The following TMTC1 variants were observed in gnomAD, a reference collection of about 807,000 sequenced individuals.
The protein encoded by TMTC1 is transmembrane O-mannosyltransferase targeting cadherins 1.
TMTC1 carries 73 observed loss-of-function variants against 104.8 expected under a neutral mutation model. The ratio of observed to expected loss-of-function variants is 0.70; its 90% CI spans 0.58 to 0.85. TMTC1 has a LOEUF of 0.85. TMTC1 is among the 40% of genes least tolerant of loss of function. TMTC1 has a pLI of 0.00. For synonymous variants in TMTC1, 434 were observed against 428.7 expected (o/e 1.01, Z -0.15); for missense variants, 1,035 against 1,096.1 (o/e 0.94, Z 0.79).
chr12:29,610,657 T>C (rs1325818209), intron 6 of TMTC1, among the ~76,000 whole-genome samples: 3 of 152,206 alleles, frequency 2.0e-5, no homozygotes, highest in Non-Finnish European at 1.5e-5. Flanking sequence ...AAAGGGACCC[T>C]GATTCCGGCC....
chr12:29,712,963 G>A (rs1941971152), intron 5 of TMTC1, among the ~76,000 whole-genome samples: 2 of 152,082 alleles, frequency 1.3e-5, no homozygotes, highest in African/African-American at 2.4e-5. Flanking sequence ...CAGGCTAGAC[G>A]TTGCTATGAA....
At chr12:29,584,832 T>G (rs1455825494) in intron 7 of TMTC1, among the ~76,000 whole-genome samples, 1 of 150,908 alleles carries the variant, frequency 6.6e-6, no homozygotes, top group Non-Finnish European at 1.5e-5. Context: ...CTTAATCCAG[T>G]CTATCATTGT....
chr12:29,548,531 A>C (rs1945001315), intron 10 of TMTC1, among the ~76,000 whole-genome samples: 1 of 151,896 alleles, frequency 6.6e-6, no homozygotes, highest in Non-Finnish European at 1.5e-5. Context: ...TGGTTTTATA[A>C]AGTACAGTTC....
At chr12:29,674,654 G>A (rs547188095) in intron 5 of TMTC1, among the ~76,000 whole-genome samples, 38 of 152,326 alleles carry the variant, frequency 2.5e-4, no homozygotes, top group East Asian at 1.9e-4. Context: ...TCAGGAGGAG[G>A]GAGGGAGGTG....
chr12:29,771,176 C>T (rs1381299864), intron 1 of TMTC1, among the ~76,000 whole-genome samples: 9 of 152,020 alleles, frequency 5.9e-5, no homozygotes, highest in Admixed American at 2.6e-4. Context: ...ATACAAAATG[C>T]CTTTATCTGG....
intron 7 of TMTC1, among the ~76,000 whole-genome samples, chr12:29,599,641 G>A (rs1592297106): frequency 1.3e-5 from 2 of 152,110 alleles, no homozygotes; most frequent in African/African-American, 2.4e-5. Context: ...GGATTCACCC[G>A]GGCTTCAGTG....
intron 5 of TMTC1, among the ~76,000 whole-genome samples, chr12:29,674,008 C>T (rs1021496991): frequency 6.6e-6 from 1 of 151,876 alleles, no homozygotes; most frequent in Admixed American, 6.6e-5. Context: ...ATCTGCCAGC[C>T]TCGGCCTCCC....
chr12:29,624,682 C>T (rs186340623), intron 6 of TMTC1, among the ~76,000 whole-genome samples: 264 of 152,296 alleles, frequency 1.7e-3, no homozygotes, highest in African/African-American at 5.9e-3. Flanking sequence ...CTAATGTCAC[C>T]TTATCTGTGA....
chr12:29,664,194 T>A (rs184112152), intron 5 of TMTC1, among the ~76,000 whole-genome samples: 5,954 of 130,576 alleles, frequency 0.046, 178 homozygotes, highest in South Asian at 0.075. Flanking sequence ...CTCAAAAAAA[T>A]AAAAATAAAA....
At position 29,530,541 on chromosome 12, in the gene TMTC1, A is replaced by T. The variant is rs567400695; in HGVS notation, c.1785+5668T>A. Among the ~76,000 whole-genome samples the T allele has an allele frequency of 7.2e-5, 11 of 152,318 alleles. No individual in the cohort carries two copies. In the East Asian group the frequency reaches 2.1e-3, roughly 29 times the overall value. ...AAAGTGCACATGGGATGTATGTAAC[A>T]TGCATGTTTGCTTACTACGCATGTG... On this transcript the variant is annotated intron_variant, in intron 11 of 17. Coordinates refer to ENST00000539277, the MANE Select transcript of TMTC1 (RefSeq NM_001193451.2).
At chr12:29,778,668 G>C (rs560524383) in intron 1 of TMTC1, among the ~76,000 whole-genome samples, 2 of 152,360 alleles carry the variant, frequency 1.3e-5, no homozygotes, top group South Asian at 4.1e-4. Context: ...CTGAATCTGA[G>C]ATTTGACTGG....
intron 5 of TMTC1, among the ~76,000 whole-genome samples, chr12:29,715,741 C>T (rs1187677777): frequency 1.3e-5 from 2 of 152,038 alleles, no homozygotes; most frequent in Non-Finnish European, 2.9e-5. Flanking sequence ...CCTCAGGAAA[C>T]TTACAATCGT....
At chr12:29,710,870 T>C (rs1340219608) in intron 5 of TMTC1, among the ~76,000 whole-genome samples, 1 of 135,858 alleles carries the variant, frequency 7.4e-6, no homozygotes, top group Non-Finnish European at 1.5e-5. Flanking sequence ...TTAATTATAT[T>C]ATTATAAATT....
intron 1 of TMTC1, among the ~76,000 whole-genome samples, 200 bp from the exon 2 acceptor site, chr12:29,768,275 A>G (rs1943519522): frequency 6.6e-6 from 1 of 152,178 alleles, no homozygotes; most frequent in South Asian, 2.1e-4. Context: ...ATGTGCAGAA[A>G]TCCATGCATA....
At chr12:29,561,661 T>C (rs112761008) in intron 9 of TMTC1, among the ~76,000 whole-genome samples, 1 of 147,432 alleles carries the variant, frequency 6.8e-6, no homozygotes, top group African/African-American at 2.7e-5. Flanking sequence ...TTATGTCAGT[T>C]ATTTACTTTA....
In TMTC1 at chr12:29,783,564, A is replaced by G; in HGVS notation, c.188T>C (p.Val63Ala). The stretch of plus-strand genomic sequence containing the variant: ...CCAGCGGAGCGGGGCGCCGGGCCGC[A>G]CGTCGGGGTTGTTCACGATCGCCCA... ...DVWAIVNNPDVRPGAPLRWGI... is the reference protein window; with the variant it reads ...DVWAIVNNPDARPGAPLRWGI... The change falls in exon 1 of 18, where the codon GTG becomes GCG. Residue 63 changes from valine to alanine, a missense_variant. Physicochemically the swap from Val to Ala is moderately conservative, Grantham distance 64. Coordinates refer to ENST00000539277, the MANE Select transcript of TMTC1 (RefSeq NM_001193451.2). This position sits in a 1 kb window ranked among gnomAD's most constrained non-coding sequence, Gnocchi z 4.7. The G allele has an allele frequency of 6.8e-7, 1 of 1,479,434 alleles. No individual in the cohort carries two copies. The highest frequency in any genetic ancestry group is 1.4e-5 in the African/African-American group (1 of 69,672). The allele number at this position is 1,479,434 out of a possible 1,614,324, so 91.6% of individuals were successfully genotyped here. A position where few individuals can be genotyped will look rare whatever the true frequency, so the allele number is the denominator to read the frequency against.
chr12:29,675,245 T>C (rs974688007), intron 5 of TMTC1, among the ~76,000 whole-genome samples: 3 of 151,998 alleles, frequency 2.0e-5, no homozygotes, highest in South Asian at 2.1e-4. Flanking sequence ...TTTGAGACTG[T>C]TATTTTAACA....
At chr12:29,545,676 C>CACACACACACACACACACACACA (rs1555167547) in intron 10 of TMTC1, among the ~76,000 whole-genome samples, 1 of 137,850 alleles carries the variant, frequency 7.3e-6, no homozygotes, top group Admixed American at 7.2e-5. Context: ...CACACACACA[C>CACACACACACACACACACACACA]GGATAGAAAC....
intron 5 of TMTC1, among the ~76,000 whole-genome samples, chr12:29,685,208 T>C (rs972608537): frequency 1.3e-5 from 2 of 151,996 alleles, no homozygotes; most frequent in East Asian, 1.9e-4. Context: ...AGAGCTATAT[T>C]ATTGCCACAA....
Sources: gnomAD v4.1 joint callset for allele counts (sites outside exome capture counted in the v4.1 genomes callset) on GRCh38, gnomAD v4.1.1 for gene constraint, Gnocchi (gnomAD v3.1) non-coding constraint, MANE v1.5 for transcripts, NCBI Gene and HGNC (gene_info 2026-07-23, HGNC 2026-07-21) for gene names.